The following PXDN variants were observed in gnomAD, a reference collection of about 807,000 sequenced individuals.
PXDN encodes the protein peroxidasin.
PXDN carries 77 observed loss-of-function variants against 140.3 expected under a neutral mutation model. The observed-to-expected ratio is 0.55, with a 90% confidence interval of 0.46 to 0.66. The LOEUF (loss-of-function observed/expected upper bound fraction) is 0.66. Ranked by LOEUF, PXDN falls within the 30% of genes least tolerant of loss-of-function variation. The probability of loss-of-function intolerance (pLI) is 0.00; values close to 1 mark genes in which losing one functional copy is unlikely to be tolerated. For missense variants in PXDN, 1,838 were observed against 2,039.5 expected (o/e 0.90, Z 1.90); for synonymous variants, 911 against 857.4 (o/e 1.06, Z -1.09).
At chr2:1,732,240 G>A (rs573157657) in intron 1 of PXDN, among the ~76,000 whole-genome samples, 13 of 152,138 alleles carry the variant, frequency 8.5e-5, no homozygotes, top group Non-Finnish European at 1.8e-4. Context: ...AGAACCCGGG[G>A]AGGCCAGGCA....
rs866699434 is a variant in PXDN, at chr2:1,648,909, C to T, written c.2871G>A (p.Thr957=). 4 of 1,601,110 alleles carry T rather than the reference C, an allele frequency of 2.5e-6. No individual in the cohort carries two copies. Among genetic ancestry groups the T allele is most frequent in the Non-Finnish European group, 3.4e-6 (4 of 1,175,250 alleles). ...TCTCGTTCTCGTCCCGCATGCACTCCGTGGGCGGCCCGGTGGCGAAGGGGA... is the reference window on the plus strand; with the variant it reads ...TCTCGTTCTCGTCCCGCATGCACTCTGTGGGCGGCCCGGTGGCGAAGGGGA... ...PLLPFATGPP[T]ECMRDENESP... The change falls in exon 17 of 23, where the codon ACG becomes ACA. Residue 957 remains threonine, a synonymous_variant. Transcript: ENST00000252804. The surrounding 1 kb of genome is among the most constrained non-coding windows in gnomAD (Gnocchi z 8.9).
intron 1 of PXDN, among the ~76,000 whole-genome samples, chr2:1,740,587 C>T (rs1361671238): frequency 6.6e-6 from 1 of 152,034 alleles, no homozygotes; most frequent in African/African-American, 2.4e-5. Context: ...TCCACTCAGT[C>T]CAGACCACCA....
At chr2:1,732,196 C>G (rs1369928064) in intron 1 of PXDN, among the ~76,000 whole-genome samples, 1 of 152,076 alleles carries the variant, frequency 6.6e-6, no homozygotes, top group African/African-American at 2.4e-5. Flanking sequence ...AGAAAACGGC[C>G]CCAGCTCATT....
At chr2:1,733,095 C>T (rs780273894) in intron 1 of PXDN, among the ~76,000 whole-genome samples, 3 of 152,050 alleles carry the variant, frequency 2.0e-5, no homozygotes, top group Non-Finnish European at 4.4e-5. Flanking sequence ...GATGAGAGAG[C>T]TGTGGCCTAA....
chr2:1,709,659 G>C (rs1030889905), intron 1 of PXDN, among the ~76,000 whole-genome samples: 5 of 152,172 alleles, frequency 3.3e-5, no homozygotes, highest in African/African-American at 9.7e-5. Context: ...GGCTCCCATC[G>C]GTCCTCCCGC....
At chr2:1,694,230 T>C (rs1394319960) in intron 1 of PXDN, among the ~76,000 whole-genome samples, 1 of 152,192 alleles carries the variant, frequency 6.6e-6, no homozygotes, top group East Asian at 1.9e-4. Flanking sequence ...AGGTGTTTGG[T>C]CATTAGGGTA....
chr2:1,722,819 G>A (rs952704167), intron 1 of PXDN, among the ~76,000 whole-genome samples: 19 of 152,244 alleles, frequency 1.2e-4, no homozygotes, highest in African/African-American at 4.1e-4. Flanking sequence ...AGGGCACGGT[G>A]TGCCTCACAG....
intron 1 of PXDN, among the ~76,000 whole-genome samples, chr2:1,708,222 C>G (rs993743750): frequency 2.0e-5 from 3 of 152,270 alleles, no homozygotes; most frequent in African/African-American, 7.2e-5. Context: ...CACGCACCCT[C>G]TGTCCCTGCC....
intron 1 of PXDN, among the ~76,000 whole-genome samples, chr2:1,744,021 T>C (rs893296391): frequency 6.6e-5 from 10 of 152,192 alleles, no homozygotes; most frequent in African/African-American, 2.4e-4. Flanking sequence ...CGCACAGCGC[T>C]CTGTTCCGCC....
chr2:1,709,468 G>GGGGCTGGGGTGCAGCA (rs66561267), intron 1 of PXDN, among the ~76,000 whole-genome samples: 4 of 146,436 alleles, frequency 2.7e-5, no homozygotes, highest in Non-Finnish European at 4.5e-5. Flanking sequence ...GGGGTGCAGC[G>GGGGCTGGGGTGCAGCA]GGGCTGGGGT....
At chr2:1,711,272 C>A (rs1420638472) in intron 1 of PXDN, among the ~76,000 whole-genome samples, 6 of 86,236 alleles carry the variant, frequency 7.0e-5, no homozygotes, top group East Asian at 4.9e-4. Context: ...CCCGCTCCAC[C>A]AGCACCCACT....
intron 12 of PXDN, 49 bp downstream of exon 12, chr2:1,663,556 A>T: frequency 6.3e-7 from 1 of 1,598,964 alleles, no homozygotes; most frequent in African/African-American, 1.3e-5. Context: ...GTGTTTCCTG[A>T]TAACCGATCT....
chr2:1,690,671 A>G (rs1175357809), intron 3 of PXDN, among the ~76,000 whole-genome samples: 1 of 147,366 alleles, frequency 6.8e-6, no homozygotes, highest in Non-Finnish European at 1.5e-5. Flanking sequence ...AAAAAAAAAA[A>G]GGGTAAATAA....
chr2:1,634,207 G>A lies in PXDN; in HGVS notation c.4437C>T (p.Pro1479=), dbSNP rs144382074. Residue 1479 remains proline (P), a synonymous_variant, in exon 23 of 23, where the codon CCC becomes CCT. Transcript: ENST00000252804. ...VCLQKRAEEK[P] is the part of the protein sequence containing the mutation. Reference sequence around the variant, plus strand: ...CTCTGAGGAGCCTCCCAGGAGCCTAGGGCTTTTCCTCCGCCCTCTTCTGTA... The same window carrying A: ...CTCTGAGGAGCCTCCCAGGAGCCTAAGGCTTTTCCTCCGCCCTCTTCTGTA... The A allele has an allele frequency of 2.3e-4, 366 of 1,578,846 alleles. No individual in the cohort carries two copies. The East Asian group carries it at 7.1e-3, about 31-fold the overall frequency.
At chr2:1,652,159 C>T (rs1212739882) in intron 16 of PXDN, among the ~76,000 whole-genome samples, 1 of 152,198 alleles carries the variant, frequency 6.6e-6, no homozygotes, top group African/African-American at 2.4e-5. Flanking sequence ...GGAACAGCTT[C>T]CAACAGCCTG....
In PXDN at chr2:1,668,864, G is replaced by T. The variant is rs534834004; in HGVS notation, c.1019-2378C>A. Among the ~76,000 whole-genome samples, 5 of 152,318 alleles carry T rather than the reference G, an allele frequency of 3.3e-5. No homozygotes were observed. In the East Asian group the frequency reaches 9.7e-4, roughly 29 times the overall value. On this transcript the variant is annotated intron_variant, in intron 9 of 22. Transcript: ENST00000252804. The stretch of plus-strand genomic sequence containing the variant: ...ACGCTGTTGCTGGGATTGTAAATTG[G>T]TTCAACCATTGTGGAAGACAATGTG...
chr2:1,646,513 G>C (rs1323842027), intron 17 of PXDN, among the ~76,000 whole-genome samples: 1 of 152,196 alleles, frequency 6.6e-6, no homozygotes, highest in African/African-American at 2.4e-5. Flanking sequence ...GATTAACGGA[G>C]TGCGCACACA....
Position 1,692,019 on chromosome 2 carries a change from A to G in PXDN, c.273-20T>C. On this transcript the variant is annotated intron_variant, in intron 2 of 22. Coordinates refer to ENST00000252804, the MANE Select transcript of PXDN (RefSeq NM_012293.3). ...AGAAGCCTATGAAAGAGAGTCGATA[A>G]GAATTTTAAAAAACAACAGAAAACA... is the stretch of plus-strand genomic sequence containing the variant. 2 of 1,474,072 alleles carry G rather than the reference A, an allele frequency of 1.4e-6. No individual in the cohort carries two copies. Among genetic ancestry groups the G allele is most frequent in the Non-Finnish European group, 1.8e-6 (2 of 1,092,398 alleles). The allele number at this position is 1,474,072 out of a possible 1,614,324, so 91.3% of individuals were successfully genotyped here.
At chr2:1,689,275 T>C (rs1684133562) in intron 3 of PXDN, among the ~76,000 whole-genome samples, 1 of 152,242 alleles carries the variant, frequency 6.6e-6, no homozygotes, top group African/African-American at 2.4e-5. Flanking sequence ...GTTGTTACTA[T>C]ACTTCTACAG....
Sources: allele counts gnomAD v4.1 joint callset (sites outside exome capture counted in the v4.1 genomes callset), GRCh38; gene constraint gnomAD v4.1.1; non-coding constraint Gnocchi (gnomAD v3.1); transcripts MANE v1.5; gene names NCBI Gene and HGNC (gene_info 2026-07-23, HGNC 2026-07-21).